The following EYA4 variants were observed in gnomAD, a reference collection of about 807,000 sequenced individuals.
The protein encoded by EYA4 is protein phosphatase EYA4.
In EYA4, 31 loss-of-function variants were observed where a neutral mutation model predicts 87.9. The observed-to-expected ratio is 0.35, with a 90% CI of 0.27 to 0.48. EYA4 has a LOEUF of 0.48. Among genes scored for constraint, EYA4 ranks in the 20% least tolerant of loss-of-function variants. The pLI, the probability that EYA4 is intolerant of heterozygous loss-of-function variation, is 0.99. For missense variants in EYA4, 678 were observed against 761.4 expected, an observed-to-expected ratio of 0.89 and a Z score of 1.29; for synonymous variants, 263 against 270.6, an observed-to-expected ratio of 0.97 and a Z score of 0.28.
chr6:133,246,175 A>T (rs1162443425), intron 1 of EYA4, among the ~76,000 whole-genome samples: 1 of 152,188 alleles, frequency 6.6e-6, no homozygotes, highest in African/African-American at 2.4e-5. Context: ...AATTGATCTT[A>T]GGGTACTGAC....
At chr6:133,413,161 TCCTGCCTGGAAATTATTCTGTTTCA>T in intron 3 of EYA4, among the ~76,000 whole-genome samples, 1 of 151,916 alleles carries the variant, frequency 6.6e-6, no homozygotes, top group Non-Finnish European at 1.5e-5. Flanking sequence ...AGGCCATTAA[TCCTGCCTGGAAATTATTCTGTTTCA>T]CAGACAACTC....
chr6:133,241,039 G>C (rs1341807650), upstream of EYA4, among the ~76,000 whole-genome samples: 3 of 152,032 alleles, frequency 2.0e-5, no homozygotes, highest in Non-Finnish European at 4.4e-5. Context: ...CGGCCCGGGT[G>C]GGGGCGGGGT....
Position 133,448,199 on chromosome 6 carries a change from A to C in EYA4, c.277+20A>C. 2 of 1,572,726 alleles carry C rather than the reference A, an allele frequency of 1.3e-6. No individual in the cohort carries two copies. Among genetic ancestry groups the C allele is most frequent in the South Asian group, 2.2e-5 (2 of 90,288 alleles). ...CAACAAGTATGAGAGATGCTGGTAC[A>C]CTGCATGTGTTTGGGTGTGTGGATT... On this transcript the variant is annotated intron_variant, in intron 5 of 19. Coordinates refer to ENST00000355286, the MANE Select transcript of EYA4 (RefSeq NM_004100.5).
chr6:133,456,552 G>C lies in EYA4; in HGVS notation c.278-4G>C. ...AACTCACATGTACTTATTCTTCTAC[G>C]TAGTGTCTCTTCTTGCAGTCAAAAC... On this transcript the variant is annotated splice_region_variant and splice_polypyrimidine_tract_variant and intron_variant, in intron 5 of 19. Coordinates refer to ENST00000355286, the MANE Select transcript of EYA4 (RefSeq NM_004100.5). 1 of 1,597,664 alleles carries C rather than the reference G, an allele frequency of 6.3e-7. No individual in the cohort carries two copies. Among genetic ancestry groups the C allele is most frequent in the Non-Finnish European group, 8.6e-7 (1 of 1,165,120 alleles).
chr6:133,473,450 C>G (rs544273382), intron 11 of EYA4, among the ~76,000 whole-genome samples: 1 of 152,098 alleles, frequency 6.6e-6, no homozygotes, highest in Non-Finnish European at 1.5e-5. Context: ...AACAAGTAAA[C>G]TAATTTGGAC....
chr6:133,394,989 A>G (rs1787660856), intron 3 of EYA4, among the ~76,000 whole-genome samples: 1 of 152,242 alleles, frequency 6.6e-6, no homozygotes, highest in African/African-American at 2.4e-5. Flanking sequence ...ATTTAACATC[A>G]TAACATTTTA....
intron 2 of EYA4, among the ~76,000 whole-genome samples, chr6:133,291,161 T>C (rs1307947064): frequency 6.6e-6 from 1 of 152,192 alleles, no homozygotes; most frequent in Non-Finnish European, 1.5e-5. Flanking sequence ...GAGATGTAAT[T>C]TCATCCCCTG....
At chr6:133,517,280 T>G (rs1024433722) in intron 17 of EYA4, among the ~76,000 whole-genome samples, 1 of 151,538 alleles carries the variant, frequency 6.6e-6, no homozygotes, top group African/African-American at 2.4e-5. Flanking sequence ...GGTATTAGGC[T>G]TAATACCTGG....
chr6:133,464,413 A>G (rs1794671612), intron 9 of EYA4, among the ~76,000 whole-genome samples: 1 of 152,164 alleles, frequency 6.6e-6, no homozygotes, highest in African/African-American at 2.4e-5. Flanking sequence ...TTTTGTATGT[A>G]AATGCAGTTG....
At position 133,331,034 on chromosome 6, in the gene EYA4, T is replaced by C. The variant is rs1250122400; in HGVS notation, c.34-51358T>C. ...TTTTGTATAACCAAACGGGTTTTTT[T>C]TTTTTTTTTTTTTTGCACCAGAACC... On this transcript the variant is annotated intron_variant, in intron 2 of 19. Coordinates refer to ENST00000355286, the MANE Select transcript of EYA4 (RefSeq NM_004100.5). Among the ~76,000 whole-genome samples the C allele has an allele frequency of 6.7e-4, 99 of 148,626 alleles. 1 individual carries two copies. The highest frequency in any genetic ancestry group is 1.1e-3 in the South Asian group (5 of 4,676).
chr6:133,415,431 C>T (rs1445766551), intron 3 of EYA4, among the ~76,000 whole-genome samples: 2 of 152,158 alleles, frequency 1.3e-5, no homozygotes, highest in Non-Finnish European at 2.9e-5. Context: ...ACTGCTCGGT[C>T]TTTTCTGGGC....
chr6:133,525,206 G>A lies in EYA4; in HGVS notation c.1791G>A (p.Val597=), dbSNP rs1583567927. 1 of 1,613,796 alleles carries A rather than the reference G, an allele frequency of 6.2e-7. No individual in the cohort carries two copies. The highest frequency in any genetic ancestry group is 8.5e-7 in the Non-Finnish European group (1 of 1,179,784). ...TGCAAAGGTTTGGCAGAAAAGTAGT[G>A]TATGTTGTAATTGGGGATGGTGTAG... is the stretch of plus-strand genomic sequence containing the variant. ...RIMQRFGRKV[V]YVVIGDGVEE... The change falls in exon 19 of 20, where the codon GTG becomes GTA. Residue 597 remains valine, a synonymous_variant. Transcript: ENST00000355286.
rs147665746 is a variant in EYA4, at chr6:133,331,191, C to T, written c.34-51201C>T. 5.8e-4 allele frequency among the ~76,000 whole-genome samples: 88 copies of T among 151,912 alleles called. No homozygotes were observed. The Middle Eastern group carries it at 0.014, about 23-fold the overall frequency. ...TGGGCTCTGTGCATTAAAATTTTTA[C>T]CAAATAGATATGGTTTTATGAAATG... On this transcript the variant is annotated intron_variant, in intron 2 of 19. Transcript: ENST00000355286.
chr6:133,352,360 G>T (rs186174129), intron 2 of EYA4, among the ~76,000 whole-genome samples: 5,039 of 152,050 alleles, frequency 0.033, 235 homozygotes, highest in African/African-American at 0.11. Context: ...TGTGTTGACT[G>T]TTTTTTGTTA....
intron 1 of EYA4, among the ~76,000 whole-genome samples, chr6:133,274,116 TG>T (rs1261908022): frequency 1.3e-5 from 2 of 152,194 alleles, no homozygotes; most frequent in African/African-American, 4.8e-5. Flanking sequence ...AGATATTTTT[TG>T]AATAGTTAAC....
At chr6:133,406,558 CATTAAAAAT>C (rs1788727297) in intron 3 of EYA4, among the ~76,000 whole-genome samples, 1 of 152,210 alleles carries the variant, frequency 6.6e-6, no homozygotes, top group Non-Finnish European at 1.5e-5. Flanking sequence ...GAATTCTCTT[CATTAAAAAT>C]GTTCTAAGAT....
At position 133,530,793 on chromosome 6, in the gene EYA4, C is replaced by G. The variant is rs1800963338; in HGVS notation, c.*1988C>G. ...ATTTTGTAGCTTTTGGCTGCATCTG[C>G]CCCAAGTACTATTCCAGGCAAATTA... On this transcript the variant is annotated 3_prime_UTR_variant, in exon 20 of 20. Coordinates refer to ENST00000355286, the MANE Select transcript of EYA4 (RefSeq NM_004100.5). 1.0e-6 allele frequency: 1 copy of G among 988,074 alleles called. No individual in the cohort carries two copies. Among genetic ancestry groups the G allele is most frequent in the East Asian group, 1.1e-4 (1 of 8,942 alleles). 61.2% of individuals were successfully genotyped at this position (988,074 alleles called of 1,614,324 possible). A position where few individuals can be genotyped will look rare whatever the true frequency, so the allele number is the denominator to read the frequency against.
rs137868528 is a variant in EYA4, at chr6:133,439,552, G to A, written c.84-7078G>A. 279 of 152,316 alleles carry A rather than the reference G, an allele frequency of 1.8e-3. 1 individual carries two copies. The highest frequency in any genetic ancestry group is 3.1e-3 in the Non-Finnish European group (213 of 68,042). 9.4% of individuals were successfully genotyped at this position (152,316 alleles called of 1,614,324 possible). A position where few individuals can be genotyped will look rare whatever the true frequency, so the allele number is the denominator to read the frequency against. ...TATGGGGCAGAGTTCAGGAGAAACC[G>A]GAGTTTATTTCCAGTTGTCTTCTGT... On this transcript the variant is annotated intron_variant, in intron 3 of 19. Transcript: ENST00000355286.
intron 2 of EYA4, among the ~76,000 whole-genome samples, chr6:133,347,789 A>C (rs571142145): frequency 4.5e-4 from 68 of 152,322 alleles, no homozygotes; most frequent in South Asian, 3.1e-3. Flanking sequence ...GGCAGAGTGA[A>C]AACATGAACT....
Sources: gnomAD v4.1 joint callset for allele counts (sites outside exome capture counted in the v4.1 genomes callset) on GRCh38, gnomAD v4.1.1 for gene constraint, MANE v1.5 for transcripts, NCBI Gene and HGNC (gene_info 2026-07-23, HGNC 2026-07-21) for gene names.